The following CFAP44 variants were observed in gnomAD, a reference collection of about 807,000 sequenced individuals.
CFAP44 encodes cilia and flagella associated protein 44.
A neutral mutation model predicts 216.2 loss-of-function variants in CFAP44; 134 were observed. The ratio of observed to expected loss-of-function variants is 0.62; its 90% CI spans 0.54 to 0.72. The LOEUF (loss-of-function observed/expected upper bound fraction) is 0.72. Ranked by LOEUF, CFAP44 falls within the 30% of genes least tolerant of loss-of-function variation. The pLI, the probability that CFAP44 is intolerant of heterozygous loss-of-function variation, is 0.00. For synonymous variants in CFAP44, 700 were observed against 727.6 expected (o/e 0.96, Z 0.61); for missense variants, 2,035 against 2,182.1 (o/e 0.93, Z 1.34).
intron 1 of CFAP44, among the ~76,000 whole-genome samples, chr3:113,440,864 C>A (rs1477803288): frequency 1.3e-5 from 2 of 152,190 alleles, no homozygotes; most frequent in Non-Finnish European, 2.9e-5. Context: ...AGATTTTCAT[C>A]AGTACGCACC....
intron 21 of CFAP44, among the ~76,000 whole-genome samples, chr3:113,362,658 G>A (rs1049784991): frequency 6.6e-5 from 10 of 152,140 alleles, no homozygotes; most frequent in Non-Finnish European, 1.5e-5. Context: ...GATGCACATA[G>A]GAATCACAAA....
intron 15 of CFAP44, among the ~76,000 whole-genome samples, chr3:113,385,810 A>ACT (rs149305126): frequency 1.4e-5 from 2 of 144,876 alleles, no homozygotes; most frequent in African/African-American, 5.1e-5. Context: ...TAATTTTTGT[A>ACT]TTTTTTTTTT....
intron 2 of CFAP44, among the ~76,000 whole-genome samples, chr3:113,430,054 C>G (rs1402704654): frequency 1.3e-5 from 2 of 151,984 alleles, no homozygotes; most frequent in African/African-American, 4.8e-5. Flanking sequence ...TTTACCAAGA[C>G]AGATCACTTG....
intron 28 of CFAP44, among the ~76,000 whole-genome samples, chr3:113,323,715 A>T (rs907968485): frequency 1.4e-4 from 21 of 152,206 alleles, no homozygotes; most frequent in African/African-American, 5.1e-4. Flanking sequence ...AATTCCTCAA[A>T]AAACCACAAA....
chr3:113,312,763 G>C (rs1000184101), intron 28 of CFAP44, among the ~76,000 whole-genome samples: 2 of 152,196 alleles, frequency 1.3e-5, no homozygotes, highest in Non-Finnish European at 2.9e-5. Flanking sequence ...GTGGGGCCAT[G>C]GCTTCAGAGG....
rs1950228489 is a variant in CFAP44, at chr3:113,330,193, T to C, written c.4091A>G (p.Tyr1364Cys). The C allele has an allele frequency of 6.5e-7, 1 of 1,536,944 alleles. No homozygotes were observed. The highest frequency in any genetic ancestry group is 8.7e-7 in the Non-Finnish European group (1 of 1,146,546). Residue 1364 changes from tyrosine (Y) to cysteine (C), a missense_variant, in exon 26 of 35, where the codon TAC (tyrosine) becomes TGC (cysteine). Transcript: ENST00000393845. Reference protein sequence around the residue: ...IMKRDEIKHVYMQQYLVNRIK... With the variant: ...IMKRDEIKHVCMQQYLVNRIK... ...CCTGTTGACCAAATACTGTTGCATG[T>C]ACACGTGTTTAATCTCGTCTCTCTT...
intron 1 of CFAP44, among the ~76,000 whole-genome samples, chr3:113,440,689 G>A (rs970576916): frequency 1.3e-5 from 2 of 152,032 alleles, no homozygotes; most frequent in African/African-American, 4.8e-5. Flanking sequence ...CTTTTAATGT[G>A]TCACTCTTGC....
chr3:113,329,838 C>T (rs1950224740), intron 26 of CFAP44, among the ~76,000 whole-genome samples: 1 of 152,180 alleles, frequency 6.6e-6, no homozygotes, highest in African/African-American at 2.4e-5. Flanking sequence ...TATGTTCCAT[C>T]CATCATCTAA....
rs1949815643 is a variant in CFAP44, at chr3:113,290,209, C to T, written c.*1348G>A. The T allele has an allele frequency of 1.3e-5, 2 of 152,082 alleles. No homozygotes were observed. The highest frequency in any genetic ancestry group is 2.1e-4 in the South Asian group (1 of 4,824). The allele number at this position is 152,082 out of a possible 1,614,324, so 9.4% of individuals were successfully genotyped here. ...TGATTTAAAAAAAAAAGTGGGTGCT[C>T]TCCAGTAGAGAAGTGACTACATCAG... On this transcript the variant is annotated 3_prime_UTR_variant, in exon 35 of 35. Coordinates refer to ENST00000393845, the MANE Select transcript of CFAP44 (RefSeq NM_001164496.2).
intron 22 of CFAP44, among the ~76,000 whole-genome samples, chr3:113,355,292 G>A (rs113301319): frequency 0.026 from 3,895 of 152,206 alleles, 149 homozygotes; most frequent in African/African-American, 0.08. Context: ...AGGCCTAGGC[G>A]GGTGGATCAC....
At chr3:113,335,829 A>C (rs983890060) in intron 24 of CFAP44, among the ~76,000 whole-genome samples, 3 of 152,238 alleles carry the variant, frequency 2.0e-5, no homozygotes, top group African/African-American at 7.2e-5. Flanking sequence ...GATAGACTGT[A>C]TATGCGTGGC....
chr3:113,365,329 A>T (rs1950577347), intron 19 of CFAP44, among the ~76,000 whole-genome samples: 1 of 152,164 alleles, frequency 6.6e-6, no homozygotes, highest in East Asian at 1.9e-4. Context: ...GAAGTAGGCT[A>T]CCTGCTAAAT....
chr3:113,435,917 C>T (rs903562712), intron 1 of CFAP44, among the ~76,000 whole-genome samples: 4 of 149,880 alleles, frequency 2.7e-5, no homozygotes, highest in African/African-American at 9.8e-5. Flanking sequence ...AGTTGTGAAT[C>T]TTCCTTCCTC....
intron 28 of CFAP44, among the ~76,000 whole-genome samples, chr3:113,319,022 C>T (rs1426306286): frequency 6.7e-6 from 1 of 150,222 alleles, no homozygotes; most frequent in South Asian, 2.1e-4. Flanking sequence ...AAAGCAACTA[C>T]AAAATCAAGT....
chr3:113,359,061 G>C (rs574770552), intron 21 of CFAP44, among the ~76,000 whole-genome samples, 186 bp from the exon 22 acceptor site: 2 of 152,112 alleles, frequency 1.3e-5, no homozygotes, highest in South Asian at 4.2e-4. Context: ...AATGTTCTTC[G>C]CAATTAACAA....
At chr3:113,353,298 T>C (rs1452183923) in intron 22 of CFAP44, among the ~76,000 whole-genome samples, 2 of 152,078 alleles carry the variant, frequency 1.3e-5, no homozygotes, top group African/African-American at 2.4e-5. Flanking sequence ...AATGAGACAA[T>C]GAGCTTCAGC....
chr3:113,399,251 T>C (rs558620328), intron 13 of CFAP44, among the ~76,000 whole-genome samples: 2 of 152,302 alleles, frequency 1.3e-5, no homozygotes, highest in Non-Finnish European at 2.9e-5. Flanking sequence ...CCAGACACTC[T>C]GAAGCAGAGA....
chr3:113,352,315 C>T (rs1251407115), intron 22 of CFAP44, among the ~76,000 whole-genome samples: 6 of 152,190 alleles, frequency 3.9e-5, no homozygotes, highest in Non-Finnish European at 8.8e-5. Flanking sequence ...GCAACCTGCT[C>T]AGGTCCCCTT....
chr3:113,294,344 T>A (rs775218), intron 34 of CFAP44: 298,599 of 313,510 alleles, frequency 0.95, 142,399 homozygotes, highest in South Asian at 0.98. Flanking sequence ...CAAATGAAAT[T>A]TGCAGATATT....
Sources: gnomAD v4.1 joint callset for allele counts (sites outside exome capture counted in the v4.1 genomes callset) on GRCh38, gnomAD v4.1.1 for gene constraint, MANE v1.5 for transcripts, NCBI Gene and HGNC (gene_info 2026-07-23, HGNC 2026-07-21) for gene names.